PCDHGB5: variants seen among roughly 807,000 people sequenced by gnomAD.
PCDHGB5 encodes protocadherin gamma subfamily B, 5.
In PCDHGB5, 48 loss-of-function variants were observed where a neutral mutation model predicts 62.9. The ratio of observed to expected loss-of-function variants is 0.76; its 90% CI spans 0.61 to 0.97. The LOEUF (loss-of-function observed/expected upper bound fraction) is 0.97, where lower values mean the gene tolerates loss of function less well. Among genes scored for constraint, PCDHGB5 ranks in the 50% least tolerant of loss-of-function variants. The pLI is 0.00. For missense variants in PCDHGB5, 1,118 were observed against 1,198.6 expected (o/e 0.93, Z 0.99); for synonymous variants, 474 against 511.2 (o/e 0.93, Z 0.98).
At chr5:141,434,323 T>G (rs578049856) in intron 1 of PCDHGB5, among the ~76,000 whole-genome samples, 1 of 152,358 alleles carries the variant, frequency 6.6e-6, no homozygotes, top group South Asian at 2.1e-4. Flanking sequence ...CTCTTGCTGC[T>G]TGTCTCTTTG....
At chr5:141,461,989 A>G (rs2099028358) in intron 1 of PCDHGB5, among the ~76,000 whole-genome samples, 1 of 152,074 alleles carries the variant, frequency 6.6e-6, no homozygotes, top group African/African-American at 2.4e-5. Flanking sequence ...ACGCCAGGCT[A>G]ATTTTGTATT....
In PCDHGB5 at chr5:141,418,344, T is replaced by C. The variant is rs746519142; in HGVS notation, c.2397+17820T>C. On this transcript the variant is annotated intron_variant, in intron 1 of 3. Transcript: ENST00000617380. ...CTTGAGTCTGCAGAAGATCCTGATA[T>C]TAGTATGAATTCGCTGAGCAAATAC... 4.3e-6 allele frequency: 7 copies of C among 1,613,890 alleles called. No individual in the cohort carries two copies. The highest frequency in any genetic ancestry group is 2.2e-5 in the South Asian group (2 of 91,086).
chr5:141,468,868 AAATAAT>A (rs993655754), intron 1 of PCDHGB5, among the ~76,000 whole-genome samples: 1 of 151,794 alleles, frequency 6.6e-6, no homozygotes, highest in Non-Finnish European at 1.5e-5. Context: ...TCCATCTCAA[AAATAAT>A]AATAATAATA....
At chr5:141,443,131 A>C (rs1042010214) in intron 1 of PCDHGB5, among the ~76,000 whole-genome samples, 2 of 152,144 alleles carry the variant, frequency 1.3e-5, no homozygotes, top group African/African-American at 4.8e-5. Flanking sequence ...GATTAAGAAC[A>C]CTATCATAAG....
chr5:141,434,509 T>C (rs1480014539), intron 1 of PCDHGB5, among the ~76,000 whole-genome samples: 3 of 152,232 alleles, frequency 2.0e-5, no homozygotes, highest in Non-Finnish European at 4.4e-5. Context: ...AGAAAACTGC[T>C]TAAAGGTGTT....
rs967436443 is a variant in PCDHGB5 at position 141,400,001 on chromosome 5, C to G, written c.1874C>G (p.Ala625Gly). The change falls in exon 1 of 4, where the codon GCG becomes GGG. Residue 625 changes from alanine to glycine, a missense_variant. Ala to Gly is a moderately conservative substitution (Grantham distance 60). Transcript: ENST00000617380. ...LGLRTGEVRT[A>G]RALGDRDAAR... ...CTGCGCACAGGAGAGGTGCGCACAG[C>G]GCGTGCCTTGGGCGACAGGGACGCG... 5.0e-6 allele frequency: 8 copies of G among 1,612,262 alleles called. No individual in the cohort carries two copies. In the Admixed American group the frequency reaches 5.0e-5, roughly 10 times the overall value.
intron 1 of PCDHGB5, among the ~76,000 whole-genome samples, chr5:141,482,188 G>C (rs1178289472): frequency 2.6e-5 from 4 of 152,122 alleles, no homozygotes; most frequent in African/African-American, 9.7e-5. Context: ...CGATGCTCCA[G>C]TTCTAGTAAA....
chr5:141,491,869 G>C lies in PCDHGB5; in HGVS notation c.2398-2938G>C. On this transcript the variant is annotated intron_variant, in intron 1 of 3. Transcript: ENST00000617380. This position sits in a 1 kb window ranked among gnomAD's most constrained non-coding sequence, Gnocchi z 6.9. ...GGACCGTTTGCGCGAAACCAGAGTG[G>C]CCGATTAAGGGATGGGGCTCCGAGC... The C allele has an allele frequency of 6.9e-7, 1 of 1,453,094 alleles. No homozygotes were observed. Among genetic ancestry groups the C allele is most frequent in the South Asian group, 1.5e-5 (1 of 68,080 alleles). 90.0% of individuals were successfully genotyped at this position (1,453,094 alleles called of 1,614,324 possible).
At chr5:141,408,978 C>A (rs1444971938) in intron 1 of PCDHGB5, 1 of 1,613,862 alleles carries the variant, frequency 6.2e-7, no homozygotes, top group African/African-American at 1.3e-5. Context: ...CCCCCTGGGT[C>A]CCCTGTGTTG....
At chr5:141,417,626 T>A (rs1156653216) in intron 1 of PCDHGB5, 3 of 689,458 alleles carry the variant, frequency 4.4e-6, no homozygotes, top group Non-Finnish European at 6.8e-6. Context: ...GAGCAAGCGC[T>A]GACGCCGGGG....
chr5:141,403,687 G>A, intron 1 of PCDHGB5: 1 of 1,613,872 alleles, frequency 6.2e-7, no homozygotes, highest in East Asian at 2.2e-5. Context: ...TTGCTCAACG[G>A]ATTTACCGAG....
At chr5:141,424,357 G>A (rs1171882619) in intron 1 of PCDHGB5, 1 of 152,122 alleles carries the variant, frequency 6.6e-6, no homozygotes, top group Non-Finnish European at 1.5e-5. Context: ...ATAAAATTTA[G>A]ATCACATTTT....
rs747827208 is a variant in PCDHGB5 at position 141,399,464 on chromosome 5, C to T, written c.1337C>T (p.Pro446Leu). ...ATCAGAGACGTCAACGATAACGCTC[C>T]GGTTTTCCACCAGGCGTCCTACTTA... ...LHIRDVNDNA[P>L]VFHQASYLVS... Residue 446 changes from proline to leucine, a missense_variant, in exon 1 of 4, where the codon CCG becomes CTG. Transcript: ENST00000617380. 4 of 1,614,018 alleles carry T rather than the reference C, an allele frequency of 2.5e-6. No individual in the cohort carries two copies. Among genetic ancestry groups the T allele is most frequent in the South Asian group, 1.1e-5 (1 of 91,086 alleles).
chr5:141,404,952 G>A (rs2094589054), intron 1 of PCDHGB5: 3 of 1,614,030 alleles, frequency 1.9e-6, no homozygotes, highest in African/African-American at 1.3e-5. Flanking sequence ...ATAGCTGACA[G>A]CATCCCAGAC....
intron 3 of PCDHGB5, chr5:141,507,335 T>A (rs1228652205): frequency 6.6e-6 from 1 of 151,804 alleles, no homozygotes; most frequent in Non-Finnish European, 1.5e-5. Context: ...TGCTCATTGT[T>A]TACCTGAAAT....
At chr5:141,419,137 C>T (rs764281503) in intron 1 of PCDHGB5, 1 of 1,613,892 alleles carries the variant, frequency 6.2e-7, no homozygotes, top group Non-Finnish European at 8.5e-7. Flanking sequence ...CAGCCACAGA[C>T]AGGGGCAAGC....
At chr5:141,403,979 A>G in intron 1 of PCDHGB5, 1 of 1,613,932 alleles carries the variant, frequency 6.2e-7, no homozygotes, top group Non-Finnish European at 8.5e-7. Context: ...TGTAAATGAC[A>G]ATAGACCTGA....
chr5:141,401,546 ATGCTATT>A (rs1372970930), intron 1 of PCDHGB5, among the ~76,000 whole-genome samples: 1 of 152,214 alleles, frequency 6.6e-6, no homozygotes, highest in African/African-American at 2.4e-5. Context: ...AAAAAAGGAA[ATGCTATT>A]GCCTGAATTT....
At chr5:141,497,818 G>T (rs2099779657) in intron 2 of PCDHGB5, among the ~76,000 whole-genome samples, 1 of 152,194 alleles carries the variant, frequency 6.6e-6, no homozygotes, top group African/African-American at 2.4e-5. Context: ...AGAATTACAG[G>T]TGTGATCGCC....
Sources: gnomAD v4.1 joint callset for allele counts (sites outside exome capture counted in the v4.1 genomes callset) on GRCh38, gnomAD v4.1.1 for gene constraint, Gnocchi (gnomAD v3.1) non-coding constraint, MANE v1.5 for transcripts, NCBI Gene and HGNC (gene_info 2026-07-23, HGNC 2026-07-21) for gene names.